The following ZNF766 variants were observed in gnomAD, a reference collection of about 807,000 sequenced individuals.
The protein encoded by ZNF766 is zinc finger protein 766.
In ZNF766, 13 loss-of-function variants were observed where a neutral mutation model predicts 13.2. The ratio of observed to expected loss-of-function variants is 0.98; its 90% CI spans 0.64 to 1.56. The LOEUF (loss-of-function observed/expected upper bound fraction) is 1.56, where lower values mean the gene tolerates loss of function less well. ZNF766 is among the 40% of genes most tolerant of loss of function. The probability of loss-of-function intolerance (pLI) is 0.00; values close to 1 mark genes in which losing one functional copy is unlikely to be tolerated. For missense variants in ZNF766, 521 were observed against 552.2 expected, an observed-to-expected ratio of 0.94 and a Z score of 0.57; for synonymous variants, 178 against 187.6, an observed-to-expected ratio of 0.95 and a Z score of 0.42.
chr19:52,293,558 A>C lies in ZNF766; in HGVS notation c.*2360A>C, dbSNP rs1052562472. The C allele has an allele frequency of 2.0e-5, 3 of 152,188 alleles. No individual in the cohort carries two copies. Among genetic ancestry groups the C allele is most frequent in the Non-Finnish European group, 4.4e-5 (3 of 68,044 alleles). 9.4% of individuals were successfully genotyped at this position (152,188 alleles called of 1,614,324 possible). Reference sequence around the variant, plus strand: ...ACTTTTGGGTATATACACTTGGGTAAGTATGATTTTGGGTAATAATACTTA... The same window carrying C: ...ACTTTTGGGTATATACACTTGGGTACGTATGATTTTGGGTAATAATACTTA... On this transcript the variant is annotated 3_prime_UTR_variant, in exon 4 of 4. Transcript: ENST00000439461.
At chr19:52,286,197 A>ACCCCCCCG (rs1568621177) in intron 3 of ZNF766, among the ~76,000 whole-genome samples, 1 of 148,370 alleles carries the variant, frequency 6.7e-6, no homozygotes, top group African/African-American at 2.6e-5. Flanking sequence ...TTCCCCCCTA[A>ACCCCCCCG]TTATAAAGGA....
rs71335640 is a variant in ZNF766, at chr19:52,293,804, TA to T, written c.*2607del. On this transcript the variant is annotated 3_prime_UTR_variant, in exon 4 of 4. Transcript: ENST00000439461. ...CCATGCCCAGCTAATTTTGTTTTTT[TA>T]GTAGAGACAGGGTTTCTCCATATTG... The T allele has an allele frequency of 0.24, 37,130 of 151,866 alleles. 4,693 individuals carry two copies. Among genetic ancestry groups the T allele is most frequent in the East Asian group, 0.43 (2,225 of 5,116 alleles). The allele number at this position is 151,866 out of a possible 1,614,324, so 9.4% of individuals were successfully genotyped here.
intron 3 of ZNF766, among the ~76,000 whole-genome samples, chr19:52,286,662 G>A (rs1447768807): frequency 1.3e-5 from 2 of 152,040 alleles, no homozygotes; most frequent in Non-Finnish European, 2.9e-5. Context: ...TCTTTATTCT[G>A]TTATTGTGGG....
intron 1 of ZNF766, among the ~76,000 whole-genome samples, chr19:52,270,790 G>A (rs908538926): frequency 1.7e-4 from 26 of 151,852 alleles, no homozygotes; most frequent in Non-Finnish European, 2.8e-4. Flanking sequence ...CAGATGAAGT[G>A]GAAAAGAAGG....
intron 1 of ZNF766, chr19:52,277,298 G>A (rs1981254440): frequency 2.0e-6 from 2 of 978,600 alleles, no homozygotes; most frequent in East Asian, 3.0e-5. Flanking sequence ...TCTCTACTAC[G>A]AATACAAAAA....
rs747840362 is a variant in ZNF766, at chr19:52,292,219, T to C, written c.*1021T>C. On this transcript the variant is annotated 3_prime_UTR_variant, in exon 4 of 4. Coordinates refer to ENST00000439461, the MANE Select transcript of ZNF766 (RefSeq NM_001010851.3). ...GACTTCATTAGATGAGGAGCGTTTCTATCCAGTTTCCTGGAGGAATAAGGA... is the reference window on the plus strand; with the variant it reads ...GACTTCATTAGATGAGGAGCGTTTCCATCCAGTTTCCTGGAGGAATAAGGA... 10 of 701,376 alleles carry C rather than the reference T, an allele frequency of 1.4e-5. No individual in the cohort carries two copies. The South Asian group carries it at 1.5e-4, about 10-fold the overall frequency. 43.4% of individuals were successfully genotyped at this position (701,376 alleles called of 1,614,324 possible). A position where few individuals can be genotyped will look rare whatever the true frequency, so the allele number is the denominator to read the frequency against.
rs908580877 is a variant in ZNF766 at position 52,279,796 on chromosome 19, T to C, written c.19-2315T>C. Among the ~76,000 whole-genome samples, 269 of 135,944 alleles carry C rather than the reference T, an allele frequency of 2.0e-3. 1 individual carries two copies. The highest frequency in any genetic ancestry group is 3.5e-3 in the Middle Eastern group (1 of 282). The allele number at this position is 135,944 out of a possible 152,430, so 89.2% of individuals were successfully genotyped here. On this transcript the variant is annotated intron_variant, in intron 1 of 3. Coordinates refer to ENST00000439461, the MANE Select transcript of ZNF766 (RefSeq NM_001010851.3). ...TTTCATGATTTACCTTTTCTTTTTT[T>C]TTTTTTTTTTTTTTTTTGAGACGGA...
intron 1 of ZNF766, chr19:52,277,134 A>G: frequency 3.8e-6 from 4 of 1,059,836 alleles, no homozygotes; most frequent in Non-Finnish European, 4.6e-6. Context: ...AACCCTAAAC[A>G]GCATATTTTT....
chr19:52,287,031 C>G (rs1981863769), intron 3 of ZNF766, among the ~76,000 whole-genome samples: 1 of 151,954 alleles, frequency 6.6e-6, no homozygotes, highest in Admixed American at 6.6e-5. Flanking sequence ...GACAGTGTTT[C>G]ACTATGTTGG....
intron 1 of ZNF766, among the ~76,000 whole-genome samples, chr19:52,278,960 C>T (rs931326833): frequency 6.6e-6 from 1 of 152,170 alleles, no homozygotes; most frequent in African/African-American, 2.4e-5. Flanking sequence ...ATTCCTGTGT[C>T]CAGGATGGTA....
chr19:52,284,706 A>G (rs955955747), intron 3 of ZNF766: 1 of 152,010 alleles, frequency 6.6e-6, no homozygotes, highest in African/African-American at 2.4e-5. Flanking sequence ...ACCAGCCACA[A>G]GTCAGGGTTC....
At chr19:52,284,556 A>G (rs79350927) in intron 3 of ZNF766, among the ~76,000 whole-genome samples, 1,944 of 152,144 alleles carry the variant, frequency 0.013, 43 homozygotes, top group African/African-American at 0.045. Context: ...CCCACCAGCA[A>G]CCAGTTTTGG....
chr19:52,271,980 CAAAAA>C (rs371229113), intron 1 of ZNF766, among the ~76,000 whole-genome samples: 2,964 of 89,154 alleles, frequency 0.033, 46 homozygotes, highest in Admixed American at 0.057. Context: ...GAGACTGTCT[CAAAAA>C]AAAAAAAAAA....
chr19:52,289,689 G>T (rs995990339), intron 3 of ZNF766, among the ~76,000 whole-genome samples: 26 of 152,224 alleles, frequency 1.7e-4, no homozygotes, highest in African/African-American at 6.0e-4. Flanking sequence ...GCAGATTCCA[G>T]TTCCTCCATC....
Position 52,290,792 on chromosome 19 carries a change from A to G in ZNF766, c.1001A>G (p.Lys334Arg), listed in dbSNP as rs773277081. Residue 334 changes from lysine to arginine, a missense_variant, in exon 4 of 4, where the codon AAA (lysine) becomes AGA (arginine). Transcript: ENST00000439461. ...CTTTACAAATGTAATAAATGTGGCA[A>G]AGAATTTAGTGGGCATTCAAGCCTC... ...EKLYKCNKCGKEFSGHSSLTT... is the reference protein window; with the variant it reads ...EKLYKCNKCGREFSGHSSLTT... 1 of 1,613,952 alleles carries G rather than the reference A, an allele frequency of 6.2e-7. No homozygotes were observed. Among genetic ancestry groups the G allele is most frequent in the South Asian group, 1.1e-5 (1 of 91,054 alleles).
chr19:52,289,116 A>C (rs1981982177), intron 3 of ZNF766, among the ~76,000 whole-genome samples: 1 of 149,026 alleles, frequency 6.7e-6, no homozygotes, highest in Non-Finnish European at 1.5e-5. Flanking sequence ...TTGACCTCCC[A>C]AAGTGCTGGG....
At chr19:52,289,108 G>A (rs1981981680) in intron 3 of ZNF766, among the ~76,000 whole-genome samples, 2 of 148,992 alleles carry the variant, frequency 1.3e-5, no homozygotes, top group East Asian at 2.0e-4. Context: ...CACCCACCTT[G>A]ACCTCCCAAA....
At position 52,290,693 on chromosome 19, in the gene ZNF766, G is replaced by A; in HGVS notation, c.902G>A (p.Cys301Tyr). 6.2e-7 allele frequency: 1 copy of A among 1,613,720 alleles called. No individual in the cohort carries two copies. Among genetic ancestry groups the A allele is most frequent in the Non-Finnish European group, 8.5e-7 (1 of 1,179,786 alleles). ...CATACTAGAGAGAAACCTCATAAAT[G>A]TAACAAATGTGGCAAGGTTTATAGT... ...KIHTREKPHK[C>Y]NKCGKVYSSS... Residue 301 changes from cysteine (C) to tyrosine (Y), a missense_variant, in exon 4 of 4, where the codon TGT (cysteine) becomes TAT (tyrosine). Transcript: ENST00000439461.
chr19:52,284,320 A>G (rs1469112868), intron 3 of ZNF766, among the ~76,000 whole-genome samples: 1 of 152,140 alleles, frequency 6.6e-6, no homozygotes, highest in East Asian at 1.9e-4. Context: ...TGACCTATTC[A>G]TGATCTGCCC....
Sources: allele counts gnomAD v4.1 joint callset (sites outside exome capture counted in the v4.1 genomes callset), GRCh38; gene constraint gnomAD v4.1.1; transcripts MANE v1.5; gene names NCBI Gene and HGNC (gene_info 2026-07-23, HGNC 2026-07-21).